EYS: variants seen among roughly 807,000 people sequenced by gnomAD.
EYS encodes the protein protein eyes shut homolog.
In EYS, 250 loss-of-function variants were observed where a neutral mutation model predicts 282.1. The ratio of observed to expected loss-of-function variants is 0.89; its 90% CI spans 0.80 to 0.98. EYS has a LOEUF of 0.98. Ranked by LOEUF, EYS falls within the 50% of genes least tolerant of loss-of-function variation. The pLI is 0.00. For synonymous variants in EYS, 1,355 were observed against 1,282.9 expected (o/e 1.06, Z -1.20); for missense variants, 4,016 against 3,709.0 (o/e 1.08, Z -2.15).
At chr6:65,444,781 C>A (rs1768588914) in intron 5 of EYS, among the ~76,000 whole-genome samples, 1 of 152,036 alleles carries the variant, frequency 6.6e-6, no homozygotes, top group Non-Finnish European at 1.5e-5. Flanking sequence ...GTCATCTTTA[C>A]AAATTCCTTT....
At chr6:64,729,984 G>T (rs1771903882) in intron 22 of EYS, among the ~76,000 whole-genome samples, 1 of 152,030 alleles carries the variant, frequency 6.6e-6, no homozygotes, top group Non-Finnish European at 1.5e-5. Context: ...AAATATAAAA[G>T]GAAAATGACA....
intron 12 of EYS, among the ~76,000 whole-genome samples, chr6:65,232,295 A>T (rs1477817447): frequency 2.6e-5 from 4 of 152,068 alleles, no homozygotes; most frequent in Non-Finnish European, 5.9e-5. Flanking sequence ...GAGAAGAAAA[A>T]AGTAATATTT....
At chr6:64,441,772 C>T (rs1774958066) in intron 26 of EYS, among the ~76,000 whole-genome samples, 1 of 152,158 alleles carries the variant, frequency 6.6e-6, no homozygotes, top group Non-Finnish European at 1.5e-5. Flanking sequence ...TGCCTGCTGC[C>T]ATCCATGTAA....
intron 28 of EYS, among the ~76,000 whole-genome samples, chr6:64,435,370 G>A (rs2150463081): frequency 6.6e-6 from 1 of 150,704 alleles, no homozygotes; most frequent in Non-Finnish European, 1.5e-5. Flanking sequence ...GCCTAAGGAA[G>A]ATAGAACTTC....
At chr6:65,520,190 G>T (rs1767313198) in intron 2 of EYS, among the ~76,000 whole-genome samples, 1 of 152,008 alleles carries the variant, frequency 6.6e-6, no homozygotes, top group Non-Finnish European at 1.5e-5. Flanking sequence ...ATTATAATTT[G>T]AAAACTCAGA....
At chr6:64,710,109 A>G (rs1771156692) in intron 22 of EYS, among the ~76,000 whole-genome samples, 1 of 152,264 alleles carries the variant, frequency 6.6e-6, no homozygotes, top group African/African-American at 2.4e-5. Flanking sequence ...AACACGTCTT[A>G]TAAATAGGGA....
chr6:64,679,112 C>T, intron 22 of EYS, among the ~76,000 whole-genome samples: 1 of 151,886 alleles, frequency 6.6e-6, no homozygotes, highest in Non-Finnish European at 1.5e-5. Context: ...CATTTCTATC[C>T]TCTTCTCTGC....
chr6:63,837,758 A>T (rs1406501360), intron 36 of EYS, among the ~76,000 whole-genome samples: 1 of 152,156 alleles, frequency 6.6e-6, no homozygotes, highest in South Asian at 2.1e-4. Flanking sequence ...ATCAATATTT[A>T]TGACTGGCTT....
At chr6:65,211,032 T>A (rs72881801) in intron 12 of EYS, among the ~76,000 whole-genome samples, 5,587 of 151,886 alleles carry the variant, frequency 0.037, 136 homozygotes, top group Non-Finnish European at 0.055. Context: ...AAACACAAAC[T>A]ATTCCTAGGT....
chr6:65,053,622 G>C (rs1447669895), intron 13 of EYS, among the ~76,000 whole-genome samples: 1 of 151,778 alleles, frequency 6.6e-6, no homozygotes, highest in African/African-American at 2.4e-5. Flanking sequence ...TTCTACACCA[G>C]GGGCCAGCAA....
intron 35 of EYS, among the ~76,000 whole-genome samples, chr6:63,907,198 T>G (rs1773799145): frequency 6.6e-6 from 1 of 152,210 alleles, no homozygotes; most frequent in South Asian, 2.1e-4. Context: ...GTTTATAAAT[T>G]AAGAATATTG....
chr6:64,082,965 A>G (rs1447171501), intron 31 of EYS, among the ~76,000 whole-genome samples: 1 of 151,700 alleles, frequency 6.6e-6, no homozygotes, highest in African/African-American at 2.4e-5. Flanking sequence ...CTGAAGTGCA[A>G]TGGAGCAATC....
chr6:65,658,402 A>C (rs1767896595), intron 1 of EYS, among the ~76,000 whole-genome samples: 1 of 151,716 alleles, frequency 6.6e-6, no homozygotes, highest in Non-Finnish European at 1.5e-5. Flanking sequence ...ATCATGGGGA[A>C]ACTAGGTGTG....
intron 13 of EYS, among the ~76,000 whole-genome samples, chr6:65,030,538 C>T (rs868814233): frequency 6.6e-6 from 1 of 152,182 alleles, no homozygotes; most frequent in Non-Finnish European, 1.5e-5. Context: ...CACTGTACCA[C>T]TATTGCTGCT....
At chr6:63,866,563 T>A (rs1772676070) in intron 35 of EYS, among the ~76,000 whole-genome samples, 1 of 152,362 alleles carries the variant, frequency 6.6e-6, no homozygotes, top group East Asian at 1.9e-4. Flanking sequence ...GCACTATTTT[T>A]AATCAGGTCC....
chr6:63,923,072 CT>C (rs1475879640), intron 35 of EYS, among the ~76,000 whole-genome samples: 1 of 152,098 alleles, frequency 6.6e-6, no homozygotes, highest in Admixed American at 6.5e-5. Context: ...TGTAAGTTTG[CT>C]AAAGTAATGT....
At chr6:64,583,893 C>T (rs1562075212) in intron 26 of EYS, among the ~76,000 whole-genome samples, 1 of 151,834 alleles carries the variant, frequency 6.6e-6, no homozygotes, top group Non-Finnish European at 1.5e-5. Flanking sequence ...TTAACATAAA[C>T]ATAATAATTT....
intron 2 of EYS, among the ~76,000 whole-genome samples, chr6:65,538,180 C>T (rs1275518036): frequency 2.6e-5 from 4 of 151,882 alleles, no homozygotes; most frequent in Non-Finnish European, 4.4e-5. Context: ...TTGTTTTCCA[C>T]AATAAATGGT....
In EYS at chr6:64,590,755, T is replaced by C; in HGVS notation, c.5112A>G (p.Ile1704Met). Reference protein sequence around the residue: ...VSENILKLLKIRQYGITMGPT... With the variant: ...VSENILKLLKMRQYGITMGPT... ...GTCCCATAGTTATGCCATATTGTCT[T>C]ATTTTCAATAGTTTTAAAATGTTTT... Residue 1704 changes from isoleucine (I) to methionine (M), a missense_variant, in exon 26 of 43, where the codon ATA becomes ATG. Transcript: ENST00000503581. The C allele has an allele frequency of 1.9e-6, 3 of 1,550,910 alleles. No individual in the cohort carries two copies. The highest frequency in any genetic ancestry group is 2.6e-6 in the Non-Finnish European group (3 of 1,146,404).
Sources: allele counts gnomAD v4.1 joint callset (sites outside exome capture counted in the v4.1 genomes callset), GRCh38; gene constraint gnomAD v4.1.1; transcripts MANE v1.5; gene names NCBI Gene and HGNC (gene_info 2026-07-23, HGNC 2026-07-21).